TULP4: variants seen among roughly 807,000 people sequenced by gnomAD.
TULP4 encodes the protein tubby-related protein 4.
Under a neutral mutation model 129.0 loss-of-function variants are expected in TULP4, and 16 were observed. The observed-to-expected ratio is 0.12, with a 90% CI of 0.08 to 0.19. The LOEUF (loss-of-function observed/expected upper bound fraction) is 0.19, where lower values mean the gene tolerates loss of function less well. Among genes scored for constraint, TULP4 ranks in the 10% least tolerant of loss-of-function variants. The pLI is 1.00. For synonymous variants in TULP4, 998 were observed against 854.0 expected, an observed-to-expected ratio of 1.17 and a Z score of -2.94; for missense variants, 1,842 against 2,059.1, an observed-to-expected ratio of 0.89 and a Z score of 2.04.
intron 3 of TULP4, among the ~76,000 whole-genome samples, chr6:158,443,480 G>A (rs1427432451): frequency 6.6e-6 from 1 of 152,098 alleles, no homozygotes; most frequent in South Asian, 2.1e-4. Flanking sequence ...ATTGATATAT[G>A]GGTATGTCTT....
intron 1 of TULP4, among the ~76,000 whole-genome samples, chr6:158,303,928 C>T (rs567577388): frequency 6.6e-6 from 1 of 152,186 alleles, no homozygotes; most frequent in South Asian, 2.1e-4. Flanking sequence ...ACAAAACAAA[C>T]CAAAAATGCT....
chr6:158,364,169 A>G (rs891896752), intron 1 of TULP4, among the ~76,000 whole-genome samples: 1 of 152,216 alleles, frequency 6.6e-6, no homozygotes. Context: ...TTTGAATGCT[A>G]TGAAAAATAT....
At chr6:158,329,711 G>A (rs917457042) in intron 1 of TULP4, among the ~76,000 whole-genome samples, 1 of 151,908 alleles carries the variant, frequency 6.6e-6, no homozygotes, top group Non-Finnish European at 1.5e-5. Context: ...CAGGAAATTC[G>A]CTACAGATGG....
intron 1 of TULP4, among the ~76,000 whole-genome samples, chr6:158,259,631 C>T (rs1271854496): frequency 2.6e-5 from 4 of 152,190 alleles, no homozygotes; most frequent in East Asian, 1.9e-4. Flanking sequence ...GGTGTCACTT[C>T]AACTCGGTTC....
In TULP4 at chr6:158,479,925, C is replaced by T; in HGVS notation, c.1201C>T (p.Pro401Ser). The T allele has an allele frequency of 1.2e-6, 2 of 1,610,524 alleles. No homozygotes were observed. The highest frequency in any genetic ancestry group is 8.5e-7 in the Non-Finnish European group (1 of 1,179,784). Residue 401 changes from proline (P) to serine (S), a missense_variant, in exon 7 of 14, where the codon CCC (proline) becomes TCC (serine). By Grantham distance (74) the Pro-to-Ser change is moderately conservative. Coordinates refer to ENST00000367097, the MANE Select transcript of TULP4 (RefSeq NM_020245.5). ...CAAGGACGTCAGCAAGCTGACTCTG[C>T]CCCCCCGCCTCTGCTCCTACCTCTC... ...EDKDVSKLTL[P>S]PRLCSYLSTA...
chr6:158,410,320 G>C (rs969459255), intron 1 of TULP4, among the ~76,000 whole-genome samples: 2 of 152,184 alleles, frequency 1.3e-5, no homozygotes, highest in African/African-American at 4.8e-5. Flanking sequence ...TGCTGTGACT[G>C]TGCAGCCTTT....
chr6:158,271,714 G>A (rs2128462054), intron 1 of TULP4, among the ~76,000 whole-genome samples: 1 of 152,300 alleles, frequency 6.6e-6, no homozygotes, highest in East Asian at 1.9e-4. Context: ...ACAGGCATGA[G>A]CCACCACGCC....
intron 1 of TULP4, among the ~76,000 whole-genome samples, chr6:158,275,103 A>G (rs1438033632): frequency 6.6e-6 from 1 of 152,188 alleles, no homozygotes; most frequent in Non-Finnish European, 1.5e-5. Flanking sequence ...TGAGTTCCAA[A>G]AGAGCCAAAT....
At chr6:158,417,620 G>T (rs373826494) in intron 2 of TULP4, among the ~76,000 whole-genome samples, 1 of 152,172 alleles carries the variant, frequency 6.6e-6, no homozygotes, top group East Asian at 1.9e-4. Flanking sequence ...CACTGGTGAC[G>T]ATGGATCACT....
Position 158,502,040 on chromosome 6 carries a change from C to T in TULP4, c.2377C>T (p.Arg793Ter), listed in dbSNP as rs1780458721. 1.2e-6 allele frequency: 2 copies of T among 1,613,608 alleles called. No homozygotes were observed. The highest frequency in any genetic ancestry group is 1.7e-6 in the Non-Finnish European group (2 of 1,179,842). The change falls in exon 13 of 14, where the codon CGA becomes TGA. Residue 793 changes from arginine to a stop codon, truncating the protein, a stop_gained. Coordinates refer to ENST00000367097, the MANE Select transcript of TULP4 (RefSeq NM_020245.5). LOFTEE classifies it high-confidence loss of function. ...GCTGTCCACGGTGGGCCATGGAGAC[C>T]GAGACCACGAACACCTGCAGAAGTC... is the stretch of plus-strand genomic sequence containing the variant. ...MQLSTVGHGDRDHEHLQKSAK... is the reference protein window; with the variant it reads ...MQLSTVGHGD
chr6:158,412,743 C>T (rs1778124102), intron 1 of TULP4, among the ~76,000 whole-genome samples: 1 of 152,136 alleles, frequency 6.6e-6, no homozygotes, highest in Middle Eastern at 3.2e-3. Context: ...AATAGTTTCC[C>T]CACAGCACAG....
At chr6:158,238,409 T>G (rs1426892385) in intron 1 of TULP4, 10 of 457,124 alleles carry the variant, frequency 2.2e-5, no homozygotes, top group African/African-American at 1.5e-4. Flanking sequence ...AATGCCTTGT[T>G]AAATTGTTTT....
At chr6:158,423,477 CATG>C (rs55832414) in intron 2 of TULP4, among the ~76,000 whole-genome samples, 36,288 of 151,914 alleles carry the variant, frequency 0.24, 5,551 homozygotes, top group Non-Finnish European at 0.34. Context: ...AAATGTTTAA[CATG>C]ATATGGCATT....
Position 158,498,579 on chromosome 6 carries a change from G to T in TULP4, c.1871-90G>T, listed in dbSNP as rs544720484. Reference sequence around the variant, plus strand: ...TCTGTCTTCTGATGGCAGGGAAACTGCAGTGCGCTCTTCTTCCTGTGACTC... The same window carrying T: ...TCTGTCTTCTGATGGCAGGGAAACTTCAGTGCGCTCTTCTTCCTGTGACTC... On this transcript the variant is annotated intron_variant, in intron 11 of 13. Transcript: ENST00000367097. The T allele has an allele frequency of 2.3e-5, 34 of 1,509,710 alleles. No individual in the cohort carries two copies. In the East Asian group the frequency reaches 7.7e-4, roughly 34 times the overall value. 93.5% of individuals were successfully genotyped at this position (1,509,710 alleles called of 1,614,324 possible). A position where few individuals can be genotyped will look rare whatever the true frequency, so the allele number is the denominator to read the frequency against.
intron 1 of TULP4, among the ~76,000 whole-genome samples, chr6:158,363,383 A>AT (rs1780846073): frequency 6.6e-6 from 1 of 152,232 alleles, no homozygotes; most frequent in Non-Finnish European, 1.5e-5. Context: ...TAAGGCATCT[A>AT]TTTTTTTATT....
intron 5 of TULP4, among the ~76,000 whole-genome samples, chr6:158,461,207 T>G (rs1450781317): frequency 6.6e-6 from 1 of 151,878 alleles, no homozygotes; most frequent in Non-Finnish European, 1.5e-5. Context: ...AGGTCGGGAG[T>G]TCGAGACCAG....
chr6:158,381,348 A>G (rs989076301), intron 1 of TULP4, among the ~76,000 whole-genome samples: 1 of 152,178 alleles, frequency 6.6e-6, no homozygotes, highest in East Asian at 1.9e-4. Flanking sequence ...AAAGACTCCA[A>G]ACAGGGCTGG....
chr6:158,390,186 T>A (rs1466457180), intron 1 of TULP4, among the ~76,000 whole-genome samples: 1 of 152,150 alleles, frequency 6.6e-6, no homozygotes, highest in African/African-American at 2.4e-5. Context: ...GAATCAACCA[T>A]TAACAGTTTG....
At chr6:158,422,464 G>GA (rs1778366905) in intron 2 of TULP4, among the ~76,000 whole-genome samples, 1 of 152,336 alleles carries the variant, frequency 6.6e-6, no homozygotes, top group African/African-American at 2.4e-5. Flanking sequence ...AACTCTAGAT[G>GA]AATCAGAGAT....
Sources: allele counts gnomAD v4.1 joint callset (sites outside exome capture counted in the v4.1 genomes callset), GRCh38; gene constraint gnomAD v4.1.1; transcripts MANE v1.5; gene names NCBI Gene and HGNC (gene_info 2026-07-23, HGNC 2026-07-21).